SENP7: variants seen among roughly 807,000 people sequenced by gnomAD.
The protein encoded by SENP7 is SUMO specific peptidase 7, also known as sentrin-specific protease 7.
A neutral mutation model predicts 141.2 loss-of-function variants in SENP7; 64 were observed. That is an observed-to-expected ratio of 0.45 (90% CI 0.37 to 0.56). The LOEUF (loss-of-function observed/expected upper bound fraction) is 0.56, where lower values mean the gene tolerates loss of function less well. Ranked by LOEUF, SENP7 falls within the 20% of genes least tolerant of loss-of-function variation. The pLI is 0.00. For synonymous variants in SENP7, 382 were observed against 426.4 expected, an observed-to-expected ratio of 0.90 and a Z score of 1.28; for missense variants, 1,025 against 1,212.2, an observed-to-expected ratio of 0.85 and a Z score of 2.29.
chr3:101,480,415 T>G (rs1348829243), intron 3 of SENP7, among the ~76,000 whole-genome samples: 7 of 152,140 alleles, frequency 4.6e-5, no homozygotes, highest in Non-Finnish European at 8.8e-5. Context: ...TAACATACAC[T>G]GGGTAAGGAA....
intron 6 of SENP7, among the ~76,000 whole-genome samples, chr3:101,383,984 T>A (rs1026875474): frequency 6.6e-6 from 1 of 152,170 alleles, no homozygotes; most frequent in Non-Finnish European, 1.5e-5. Flanking sequence ...TATGGACCAA[T>A]AAGCGTGCAC....
At chr3:101,457,811 G>A (rs552026223) in intron 4 of SENP7, 23 of 592,540 alleles carry the variant, frequency 3.9e-5, no homozygotes, top group Non-Finnish European at 5.4e-5. Flanking sequence ...GAGATTAGGC[G>A]CACACATGCG....
intron 3 of SENP7, among the ~76,000 whole-genome samples, chr3:101,475,416 A>T (rs2107996970): frequency 6.6e-6 from 1 of 152,360 alleles, no homozygotes; most frequent in South Asian, 2.1e-4. Context: ...ACATGGATGG[A>T]GCTGGAAGCC....
intron 6 of SENP7, among the ~76,000 whole-genome samples, chr3:101,374,582 A>G (rs2107454364): frequency 6.8e-6 from 1 of 147,702 alleles, no homozygotes; most frequent in South Asian, 2.2e-4. Flanking sequence ...ATAATTCATT[A>G]TGGGGTTTCA....
Position 101,361,765 on chromosome 3 carries a change from T to C in SENP7, c.1573A>G (p.Thr525Ala). ...TTTATTTTACCAATATAAACAGAAG[T>C]AAATATAAAATCCAGTTGTAGATCC... ...EMDLQLDFIF[T>A]SVYIGKIKGA... The change falls in exon 11 of 24, where the codon ACT (threonine) becomes GCT (alanine). Residue 525 changes from threonine (T) to alanine (A), a missense_variant. Thr to Ala is a moderately conservative substitution (Grantham distance 58, BLOSUM62 0). Transcript: ENST00000394095. 1 of 1,605,498 alleles carries C rather than the reference T, an allele frequency of 6.2e-7. No individual in the cohort carries two copies. The highest frequency in any genetic ancestry group is 1.1e-5 in the South Asian group (1 of 88,406).
intron 4 of SENP7, among the ~76,000 whole-genome samples, chr3:101,458,199 C>A (rs6791476): frequency 6.6e-6 from 1 of 152,156 alleles, no homozygotes; most frequent in East Asian, 1.9e-4. Context: ...ATATTTCCTA[C>A]ACACAATTTA....
chr3:101,423,263 G>A (rs2061845147), intron 4 of SENP7, among the ~76,000 whole-genome samples: 1 of 152,072 alleles, frequency 6.6e-6, no homozygotes, highest in African/African-American at 2.4e-5. Context: ...AGATATCCTA[G>A]AGAAGATTTC....
At chr3:101,484,552 T>G (rs1018491606) in intron 3 of SENP7, among the ~76,000 whole-genome samples, 1 of 152,088 alleles carries the variant, frequency 6.6e-6, no homozygotes, top group African/African-American at 2.4e-5. Flanking sequence ...CCAAATACTG[T>G]GAGTGCCCCA....
At chr3:101,449,467 G>A (rs1251022309) in intron 4 of SENP7, among the ~76,000 whole-genome samples, 1 of 152,214 alleles carries the variant, frequency 6.6e-6, no homozygotes, top group South Asian at 2.1e-4. Flanking sequence ...GGCAGCCAGA[G>A]AGGAAGGTCG....
At chr3:101,441,886 AAAAT>A (rs554696123) in intron 4 of SENP7, among the ~76,000 whole-genome samples, 108 of 152,288 alleles carry the variant, frequency 7.1e-4, no homozygotes, top group African/African-American at 2.5e-3. Flanking sequence ...GAAAATTTTA[AAAAT>A]AAATAAATAA....
intron 6 of SENP7, among the ~76,000 whole-genome samples, chr3:101,395,313 T>G (rs1326233164): frequency 2.0e-5 from 3 of 152,226 alleles, no homozygotes; most frequent in Non-Finnish European, 4.4e-5. Flanking sequence ...TTATCTTGGG[T>G]TGATTTTTTA....
intron 3 of SENP7, among the ~76,000 whole-genome samples, chr3:101,462,023 G>C (rs944873665): frequency 7.2e-5 from 11 of 152,180 alleles, no homozygotes; most frequent in Non-Finnish European, 2.9e-5. Flanking sequence ...AGAATAGAGA[G>C]ATAAATTAAG....
chr3:101,408,706 G>C (rs1434557657), intron 5 of SENP7, among the ~76,000 whole-genome samples: 1 of 152,122 alleles, frequency 6.6e-6, no homozygotes, highest in African/African-American at 2.4e-5. Flanking sequence ...AATCGATGCA[G>C]AAAAATATTC....
chr3:101,397,336 C>T (rs936842045), intron 6 of SENP7, among the ~76,000 whole-genome samples: 4 of 151,976 alleles, frequency 2.6e-5, no homozygotes, highest in Non-Finnish European at 1.5e-5. Context: ...TCTCACTATG[C>T]CTCCTAGGCT....
chr3:101,470,965 A>C (rs1397247029), intron 3 of SENP7, among the ~76,000 whole-genome samples: 1 of 152,210 alleles, frequency 6.6e-6, no homozygotes, highest in East Asian at 1.9e-4. Flanking sequence ...GACCTCTTCA[A>C]GGAGAACTAC....
At chr3:101,439,061 GGCC>G (rs1470292561) in intron 4 of SENP7, among the ~76,000 whole-genome samples, 2 of 129,070 alleles carry the variant, frequency 1.5e-5, no homozygotes, top group Admixed American at 8.2e-5. Flanking sequence ...GTCTCCGCCC[GGCC>G]GCCATCCCAT....
intron 11 of SENP7, among the ~76,000 whole-genome samples, chr3:101,356,147 T>C (rs2059736445): frequency 6.6e-6 from 1 of 152,160 alleles, no homozygotes; most frequent in Non-Finnish European, 1.5e-5. Context: ...TTCCTTCCTC[T>C]CACTATAATG....
chr3:101,488,521 CA>C (rs1006538970), intron 3 of SENP7, among the ~76,000 whole-genome samples: 1 of 152,158 alleles, frequency 6.6e-6, no homozygotes, highest in Non-Finnish European at 1.5e-5. Context: ...ATATGGTCCA[CA>C]AAAATTTCCC....
At chr3:101,490,181 G>A (rs1290173892) in intron 3 of SENP7, among the ~76,000 whole-genome samples, 6 of 145,630 alleles carry the variant, frequency 4.1e-5, no homozygotes, top group East Asian at 4.0e-4. Flanking sequence ...GGGAAACTCC[G>A]TCTCAAAAAA....
Sources: gnomAD v4.1 joint callset for allele counts (sites outside exome capture counted in the v4.1 genomes callset) on GRCh38, gnomAD v4.1.1 for gene constraint, MANE v1.5 for transcripts, NCBI Gene and HGNC (gene_info 2026-07-23, HGNC 2026-07-21) for gene names.